RGS6: variants seen among roughly 807,000 people sequenced by gnomAD.
RGS6 encodes the protein regulator of G protein signaling 6.
Under a neutral mutation model 78.5 loss-of-function variants are expected in RGS6, and 30 were observed. The observed-to-expected ratio is 0.38, with a 90% CI of 0.29 to 0.52. The LOEUF is 0.52. RGS6 is among the 20% of genes least tolerant of loss of function. RGS6 has a pLI of 0.85. For missense variants in RGS6, 495 were observed against 609.7 expected, an observed-to-expected ratio of 0.81 and a Z score of 1.98; for synonymous variants, 206 against 206.0, an observed-to-expected ratio of 1.00 and a Z score of 0.00.
chr14:72,499,958 G>A (rs931236351), intron 13 of RGS6, among the ~76,000 whole-genome samples: 5 of 152,222 alleles, frequency 3.3e-5, no homozygotes, highest in African/African-American at 1.2e-4. Flanking sequence ...TGGGCTGGAG[G>A]GAGGATGGAT....
At chr14:71,985,440 G>A (rs1398513707) in intron 2 of RGS6, among the ~76,000 whole-genome samples, 2 of 152,116 alleles carry the variant, frequency 1.3e-5, no homozygotes, top group African/African-American at 2.4e-5. Context: ...TTTAAAGGTT[G>A]AATAATATTC....
intron 2 of RGS6, among the ~76,000 whole-genome samples, chr14:72,200,353 T>G (rs2041213944): frequency 6.6e-6 from 1 of 152,116 alleles, no homozygotes; most frequent in Admixed American, 6.5e-5. Flanking sequence ...ATCATGTCTT[T>G]GCGTCACTGC....
upstream of RGS6, among the ~76,000 whole-genome samples, chr14:71,928,043 G>C (rs2087744600): frequency 6.6e-6 from 1 of 151,944 alleles, no homozygotes; most frequent in South Asian, 2.1e-4. Context: ...ATTTTTTAGA[G>C]ACAGGATCTC....
At chr14:72,282,085 TTGAAA>T (rs763742436) in intron 2 of RGS6, among the ~76,000 whole-genome samples, 4 of 152,180 alleles carry the variant, frequency 2.6e-5, no homozygotes, top group African/African-American at 7.2e-5. Flanking sequence ...GATGCCAGAC[TTGAAA>T]TGAACAAGAT....
the RGS6 span, among the ~76,000 whole-genome samples, chr14:71,884,004 G>A: frequency 6.6e-6 from 1 of 152,222 alleles, no homozygotes; most frequent in East Asian, 1.9e-4. Context: ...TGCCTATGGA[G>A]TAGCCATTCT....
the RGS6 span, among the ~76,000 whole-genome samples, chr14:72,605,453 A>G: frequency 1.3e-5 from 2 of 152,252 alleles, no homozygotes; most frequent in Admixed American, 6.5e-5. Context: ...CAGAACGAGC[A>G]TTAACAATGC....
At chr14:72,452,513 C>T (rs1426372047) in intron 3 of RGS6, among the ~76,000 whole-genome samples, 2 of 152,160 alleles carry the variant, frequency 1.3e-5, no homozygotes, top group African/African-American at 2.4e-5. Flanking sequence ...CTGTCCTGTA[C>T]CAGTCCCACT....
chr14:72,409,687 A>G (rs2093245537), intron 3 of RGS6, among the ~76,000 whole-genome samples: 1 of 152,042 alleles, frequency 6.6e-6, no homozygotes, highest in South Asian at 2.1e-4. Context: ...AGCATTAGGT[A>G]TATCTCTCAG....
intron 2 of RGS6, among the ~76,000 whole-genome samples, chr14:72,255,321 C>T (rs986225698): frequency 2.6e-5 from 4 of 152,140 alleles, no homozygotes; most frequent in African/African-American, 9.7e-5. Flanking sequence ...GGAGTTTAAA[C>T]TACTTGGTTG....
intron 2 of RGS6, among the ~76,000 whole-genome samples, chr14:72,076,951 T>TTTATATATATATATATATAAATG (rs2094596371): frequency 1.5e-5 from 2 of 136,932 alleles, no homozygotes; most frequent in Non-Finnish European, 3.2e-5. Flanking sequence ...ACAGCCAAAT[T>TTTATATATATATATATATAAATG]TTATATATAT....
chr14:72,384,771 GAC>G (rs2087336395), intron 3 of RGS6, among the ~76,000 whole-genome samples: 1 of 151,926 alleles, frequency 6.6e-6, no homozygotes, highest in Non-Finnish European at 1.5e-5. Context: ...TATTTTTTGA[GAC>G]AGAGTCTCAC....
chr14:71,878,801 G>C, the RGS6 span, among the ~76,000 whole-genome samples: 7 of 152,162 alleles, frequency 4.6e-5, no homozygotes, highest in Non-Finnish European at 8.8e-5. Context: ...GACTGGAGCT[G>C]TTCCTATTTG....
At chr14:71,968,034 T>C (rs1007495640) in intron 2 of RGS6, among the ~76,000 whole-genome samples, 1 of 152,208 alleles carries the variant, frequency 6.6e-6, no homozygotes, top group East Asian at 1.9e-4. Context: ...ACAGTTTGGA[T>C]TGGAGGTGTG....
At chr14:72,549,077 T>TAAGG (rs1388869745) in intron 17 of RGS6, among the ~76,000 whole-genome samples, 2 of 152,172 alleles carry the variant, frequency 1.3e-5, no homozygotes, top group Non-Finnish European at 2.9e-5. Flanking sequence ...GAATGAATTA[T>TAAGG]AAGGAAGGAG....
At chr14:72,078,174 C>G (rs964637844) in intron 2 of RGS6, among the ~76,000 whole-genome samples, 1 of 152,100 alleles carries the variant, frequency 6.6e-6, no homozygotes, top group Non-Finnish European at 1.5e-5. Flanking sequence ...ATAGTGAGTT[C>G]TCATGGGATC....
chr14:71,912,950 C>A, the RGS6 span, among the ~76,000 whole-genome samples: 33 of 151,986 alleles, frequency 2.2e-4, no homozygotes, highest in Non-Finnish European at 3.4e-4. Flanking sequence ...CTCAGCCTCC[C>A]GGGTAGCTGG....
intron 14 of RGS6, chr14:72,516,707 G>C (rs1440603798): frequency 1.3e-5 from 2 of 152,712 alleles, no homozygotes; most frequent in Admixed American, 1.3e-4. Context: ...TCTGAGTTAA[G>C]TCTGCATAGG....
Position 72,175,501 on chromosome 14 carries a change from G to A in RGS6, c.85-176594G>A, listed in dbSNP as rs772015912. ...ATTGAGTGCATGTTATGTTCTAGGC[G>A]TGGGGCTGGGCTGACCCTCTGGGAA... On this transcript the variant is annotated intron_variant, in intron 2 of 17. Coordinates refer to ENST00000553525, the MANE Select transcript of RGS6 (RefSeq NM_001204424.2). Among the ~76,000 whole-genome samples, 9 of 152,280 alleles carry A rather than the reference G, an allele frequency of 5.9e-5. No individual in the cohort carries two copies. In the South Asian group the frequency reaches 6.2e-4, roughly 11 times the overall value.
intron 1 of RGS6, among the ~76,000 whole-genome samples, chr14:71,935,346 T>C (rs1433063086): frequency 6.6e-6 from 1 of 152,232 alleles, no homozygotes; most frequent in Non-Finnish European, 1.5e-5. Flanking sequence ...TGTTAACATA[T>C]CTTTAACTGT....
Sources: allele counts gnomAD v4.1 joint callset (sites outside exome capture counted in the v4.1 genomes callset), GRCh38; gene constraint gnomAD v4.1.1; transcripts MANE v1.5; gene names NCBI Gene and HGNC (gene_info 2026-07-23, HGNC 2026-07-21).